TBXAS1: variants seen among roughly 807,000 people sequenced by gnomAD.
TBXAS1 encodes the protein thromboxane-A synthase.
A neutral mutation model predicts 60.7 loss-of-function variants in TBXAS1; 48 were observed. That is an observed-to-expected ratio of 0.79 (90% CI 0.63 to 1.01). TBXAS1 has a LOEUF of 1.01. Ranked by LOEUF, TBXAS1 falls within the 50% of genes least tolerant of loss-of-function variation. The pLI is 0.00. For missense variants in TBXAS1, 685 were observed against 686.3 expected (o/e 1.00, Z 0.02); for synonymous variants, 287 against 269.7 (o/e 1.06, Z -0.63).
intron 4 of TBXAS1, among the ~76,000 whole-genome samples, chr7:139,930,935 A>G (rs2117158791): frequency 6.6e-6 from 1 of 152,116 alleles, no homozygotes; most frequent in African/African-American, 2.4e-5. Context: ...ATTGTAGTTG[A>G]GAGAGAGAGA....
chr7:139,904,035 T>C (rs555021560), intron 3 of TBXAS1, among the ~76,000 whole-genome samples: 14 of 152,226 alleles, frequency 9.2e-5, no homozygotes, highest in Admixed American at 6.5e-4. Flanking sequence ...TCTAAACCAA[T>C]GTCTAGAAAG....
chr7:139,783,955 T>G (rs1255794709), intron 3 of TBXAS1, among the ~76,000 whole-genome samples: 1 of 152,018 alleles, frequency 6.6e-6, no homozygotes, highest in Non-Finnish European at 1.5e-5. Flanking sequence ...CTCACTCTTC[T>G]TGAATCACTC....
At chr7:140,016,483 C>T (rs1028948560) in intron 11 of TBXAS1, 4 of 260,558 alleles carry the variant, frequency 1.5e-5, no homozygotes, top group Non-Finnish European at 3.0e-5. Context: ...TCATTCAAGC[C>T]AGGACATGGG....
chr7:139,967,626 CCT>C (rs1017312339), intron 9 of TBXAS1, among the ~76,000 whole-genome samples: 6 of 152,172 alleles, frequency 3.9e-5, no homozygotes, highest in Non-Finnish European at 8.8e-5. Context: ...AATATGATCC[CCT>C]GATTGGCTTA....
At chr7:139,884,927 C>T (rs1024175969) in intron 3 of TBXAS1, among the ~76,000 whole-genome samples, 3 of 152,152 alleles carry the variant, frequency 2.0e-5, no homozygotes, top group Admixed American at 6.5e-5. Flanking sequence ...ACCTAATCTC[C>T]GATATCAGTC....
chr7:139,848,187 G>A (rs1486327816), intron 1 of TBXAS1, among the ~76,000 whole-genome samples: 1 of 151,676 alleles, frequency 6.6e-6, no homozygotes, highest in Non-Finnish European at 1.5e-5. Flanking sequence ...ATTTTGCTAT[G>A]TTGCCCAGGC....
At chr7:139,880,915 A>T (rs969309337) in intron 3 of TBXAS1, among the ~76,000 whole-genome samples, 1 of 152,214 alleles carries the variant, frequency 6.6e-6, no homozygotes, top group African/African-American at 2.4e-5. Context: ...GTCAGTTTAG[A>T]TTCCCATAAA....
intron 9 of TBXAS1, among the ~76,000 whole-genome samples, chr7:139,985,029 A>G (rs1412244105): frequency 6.6e-6 from 1 of 152,250 alleles, no homozygotes; most frequent in Non-Finnish European, 1.5e-5. Flanking sequence ...AGTCCCAGCA[A>G]CTAAGGCTCA....
chr7:139,964,942 C>G (rs1217380398), intron 9 of TBXAS1, among the ~76,000 whole-genome samples: 1 of 152,180 alleles, frequency 6.6e-6, no homozygotes, highest in Non-Finnish European at 1.5e-5. Flanking sequence ...AGGCCAGGCA[C>G]AGTGGCTCAT....
At chr7:139,857,168 C>G (rs1800636870) in intron 1 of TBXAS1, among the ~76,000 whole-genome samples, 1 of 152,180 alleles carries the variant, frequency 6.6e-6, no homozygotes, top group African/African-American at 2.4e-5. Flanking sequence ...GCAAATTCTC[C>G]AGCCCCTGGA....
At chr7:139,925,506 C>T (rs1158891544) in intron 4 of TBXAS1, among the ~76,000 whole-genome samples, 1 of 152,136 alleles carries the variant, frequency 6.6e-6, no homozygotes. Context: ...TACCCTGCAA[C>T]TTTACTGAAT....
chr7:139,838,407 T>C (rs1021873371), intron 1 of TBXAS1, among the ~76,000 whole-genome samples: 1 of 152,240 alleles, frequency 6.6e-6, no homozygotes, highest in Non-Finnish European at 1.5e-5. Context: ...GCCTGGTGCT[T>C]TCTTCCTGTG....
chr7:139,921,082 T>G (rs1271477339), intron 4 of TBXAS1, among the ~76,000 whole-genome samples: 1 of 152,192 alleles, frequency 6.6e-6, no homozygotes, highest in East Asian at 1.9e-4. Flanking sequence ...TTATTATTCC[T>G]TAGTATTTTT....
chr7:139,838,943 T>C (rs1799247267), intron 1 of TBXAS1, among the ~76,000 whole-genome samples: 1 of 152,172 alleles, frequency 6.6e-6, no homozygotes, highest in African/African-American at 2.4e-5. Flanking sequence ...TTTTTTCCCA[T>C]ATAAAATGGT....
intron 1 of TBXAS1, among the ~76,000 whole-genome samples, chr7:139,834,175 A>G (rs1798908527): frequency 6.6e-6 from 1 of 152,238 alleles, no homozygotes; most frequent in African/African-American, 2.4e-5. Flanking sequence ...AACCATGCAA[A>G]CACATGGAAA....
At chr7:139,954,910 C>T (rs545128888) in intron 6 of TBXAS1, among the ~76,000 whole-genome samples, 53 of 152,184 alleles carry the variant, frequency 3.5e-4, no homozygotes, top group African/African-American at 1.3e-3. Context: ...GCTTTTTGTT[C>T]ATTGCTATTA....
intron 9 of TBXAS1, among the ~76,000 whole-genome samples, chr7:139,993,206 C>A (rs914141727): frequency 3.0e-4 from 45 of 152,008 alleles, no homozygotes; most frequent in African/African-American, 8.7e-4. Context: ...GAAGTCATAT[C>A]ATCACGAGGT....
intron 3 of TBXAS1, among the ~76,000 whole-genome samples, chr7:139,910,919 T>C (rs1469804892): frequency 6.6e-6 from 1 of 152,196 alleles, no homozygotes; most frequent in Non-Finnish European, 1.5e-5. Context: ...TACATTTACA[T>C]GTATAGCTCT....
rs1569511437 is a variant in TBXAS1 at position 139,905,035 on chromosome 7, CTTTCTTTCTTTCTT to C, written c.237-6188_237-6175del. Among the ~76,000 whole-genome samples, 355 of 86,706 alleles carry C rather than the reference CTTTCTTTCTTTCTT, an allele frequency of 4.1e-3. 3 individuals carry two copies. Among genetic ancestry groups the C allele is most frequent in the African/African-American group, 0.018 (338 of 18,542 alleles). 56.9% of individuals were successfully genotyped at this position (86,706 alleles called of 152,430 possible). On this transcript the variant is annotated intron_variant, in intron 3 of 12. Transcript: ENST00000448866. ...TCTTTCTTTCTTTCTTTCTTTCTTT[CTTTCTTTCTTTCTT>C]TCTTTCTTTCTCTCTCTCTCTCTCT...
Sources: gnomAD v4.1 joint callset for allele counts (sites outside exome capture counted in the v4.1 genomes callset) on GRCh38, gnomAD v4.1.1 for gene constraint, MANE v1.5 for transcripts, NCBI Gene and HGNC (gene_info 2026-07-23, HGNC 2026-07-21) for gene names.